The following NRXN2 variants were observed in gnomAD, a reference collection of about 807,000 sequenced individuals.
NRXN2 encodes the protein neurexin 2, also known as neurexin-2-beta.
Under a neutral mutation model 128.8 loss-of-function variants are expected in NRXN2, and 29 were observed. The ratio of observed to expected loss-of-function variants is 0.23; its 90% CI spans 0.17 to 0.31. NRXN2 has a LOEUF of 0.31. Among genes scored for constraint, NRXN2 ranks in the 10% least tolerant of loss-of-function variants. The probability of loss-of-function intolerance (pLI) is 1.00; values close to 1 mark genes in which losing one functional copy is unlikely to be tolerated. For missense variants in NRXN2, 1,881 were observed against 2,452.6 expected (o/e 0.77, Z 4.92); for synonymous variants, 1,098 against 1,075.2 (o/e 1.02, Z -0.41).
chr11:64,625,243 G>T (rs1329920921), intron 20 of NRXN2, among the ~76,000 whole-genome samples: 2 of 152,186 alleles, frequency 1.3e-5, no homozygotes, highest in African/African-American at 4.8e-5. Context: ...CTCAGCCCAG[G>T]CTGCTCCCTT....
chr11:64,650,407 C>T, intron 15 of NRXN2, 41 bp downstream of exon 15: 1 of 1,610,048 alleles, frequency 6.2e-7, no homozygotes, highest in Non-Finnish European at 8.5e-7. Flanking sequence ...TGAGGGGTAT[C>T]TGGGCTAGGG....
chr11:64,634,052 T>A (rs140035736), intron 18 of NRXN2, among the ~76,000 whole-genome samples: 123 of 152,226 alleles, frequency 8.1e-4, no homozygotes, highest in Non-Finnish European at 1.6e-3. Flanking sequence ...TGAAGGCCAG[T>A]GGCTGCGTTC....
intron 1 of NRXN2, among the ~76,000 whole-genome samples, chr11:64,715,626 G>A (rs1414006937): frequency 1.3e-5 from 2 of 152,110 alleles, no homozygotes; most frequent in South Asian, 2.1e-4. Flanking sequence ...ATCTCCAAGA[G>A]GCCGGTAAAG....
intron 2 of NRXN2, among the ~76,000 whole-genome samples, chr11:64,700,160 C>T (rs1431128533): frequency 6.6e-6 from 1 of 152,188 alleles, no homozygotes; most frequent in Non-Finnish European, 1.5e-5. Context: ...TACTTCTCCT[C>T]GCTCTCCTCA....
chr11:64,701,973 C>T (rs1340809235), intron 2 of NRXN2, among the ~76,000 whole-genome samples: 3 of 138,552 alleles, frequency 2.2e-5, no homozygotes, highest in Non-Finnish European at 3.1e-5. Flanking sequence ...GCCCCCCGCC[C>T]GGCCAGCTGC....
At chr11:64,695,366 C>T (rs2054360394) in intron 3 of NRXN2, among the ~76,000 whole-genome samples, 3 of 152,074 alleles carry the variant, frequency 2.0e-5, no homozygotes, top group Non-Finnish European at 4.4e-5. Flanking sequence ...AGGAGGTGTT[C>T]GGCAGGGGTG....
chr11:64,712,952 C>T lies in NRXN2; in HGVS notation c.730+18G>A. 6.7e-7 allele frequency: 1 copy of T among 1,501,832 alleles called. No individual in the cohort carries two copies. Among genetic ancestry groups the T allele is most frequent in the Non-Finnish European group, 8.8e-7 (1 of 1,129,990 alleles). 93.0% of individuals were successfully genotyped at this position (1,501,832 alleles called of 1,614,324 possible). On this transcript the variant is annotated intron_variant, in intron 2 of 22. Coordinates refer to ENST00000265459, the MANE Select transcript of NRXN2 (RefSeq NM_015080.4). ...ACCCCCGCGCCCAGGCACCGGGCGG[C>T]CGCTCCCCGGGGCTCACCTTCGCTG...
intron 11 of NRXN2, among the ~76,000 whole-genome samples, chr11:64,659,901 T>C (rs760242935): frequency 1.3e-5 from 2 of 152,204 alleles, no homozygotes; most frequent in Non-Finnish European, 2.9e-5. Flanking sequence ...TCCTCATCTC[T>C]GTATCTGCCA....
At chr11:64,643,100 A>ACCCGGGGGAGCG (rs1237266523) in intron 17 of NRXN2, 2 of 978,414 alleles carry the variant, frequency 2.0e-6, no homozygotes, top group Non-Finnish European at 2.4e-6. Flanking sequence ...GCCGTCAGAA[A>ACCCGGGGGAGCG]CCCGGGGGAG....
At chr11:64,666,203 A>T (rs866319760) in intron 9 of NRXN2, among the ~76,000 whole-genome samples, 1 of 136,014 alleles carries the variant, frequency 7.4e-6, no homozygotes, top group Middle Eastern at 3.7e-3. Context: ...TGAGTGAGTT[A>T]ATTTTTTTTT....
At chr11:64,709,145 T>A (rs1486234678) in intron 2 of NRXN2, among the ~76,000 whole-genome samples, 1 of 142,334 alleles carries the variant, frequency 7.0e-6, no homozygotes, top group Non-Finnish European at 1.5e-5. Flanking sequence ...TGAGCTGAGA[T>A]CGTGCCATCG....
chr11:64,656,940 A>T (rs567450837), intron 11 of NRXN2, among the ~76,000 whole-genome samples: 3 of 152,116 alleles, frequency 2.0e-5, no homozygotes, highest in African/African-American at 7.2e-5. Flanking sequence ...CAAATATCCC[A>T]TCTCTTGAGG....
In NRXN2 at chr11:64,703,025, G is replaced by A. The variant is rs1024740487; in HGVS notation, c.731-5233C>T. On this transcript the variant is annotated intron_variant, in intron 2 of 22. Transcript: ENST00000265459. The stretch of plus-strand genomic sequence containing the variant: ...AAAGAATTAAAAAAAAAAGATCCAG[G>A]TCAATACACATTTGTCTCTGTTCTA... 1.3e-5 allele frequency among the ~76,000 whole-genome samples: 2 copies of A among 148,738 alleles called. 1 individual carries two copies. The highest frequency in any genetic ancestry group is 4.3e-4 in the South Asian group (2 of 4,642).
chr11:64,720,091 T>G (rs1378393525), intron 1 of NRXN2, among the ~76,000 whole-genome samples: 1 of 152,190 alleles, frequency 6.6e-6, no homozygotes, highest in African/African-American at 2.4e-5. Context: ...GGGATGAGGA[T>G]CCCATTTCAC....
chr11:64,641,791 G>T (rs1591709826), intron 17 of NRXN2, among the ~76,000 whole-genome samples: 1 of 152,066 alleles, frequency 6.6e-6, no homozygotes, highest in African/African-American at 2.4e-5. Flanking sequence ...CTGGAAACGG[G>T]AAGTGCTGGA....
chr11:64,606,454 C>T lies in NRXN2; in HGVS notation c.*742G>A, dbSNP rs1239881159. On this transcript the variant is annotated 3_prime_UTR_variant, in exon 23 of 23. Coordinates refer to ENST00000265459, the MANE Select transcript of NRXN2 (RefSeq NM_015080.4). Reference sequence around the variant, plus strand: ...CCTTTCCCCTCCCTCCCACCCCCCACCCCTGCTCCTCCAGCAGCTTCCCCA... The same window carrying T: ...CCTTTCCCCTCCCTCCCACCCCCCATCCCTGCTCCTCCAGCAGCTTCCCCA... 2 of 129,492 alleles carry T rather than the reference C, an allele frequency of 1.5e-5. No individual in the cohort carries two copies. The highest frequency in any genetic ancestry group is 3.2e-5 in the Non-Finnish European group (2 of 61,730). 8.0% of individuals were successfully genotyped at this position (129,492 alleles called of 1,614,324 possible).
At chr11:64,612,998 C>T (rs2040908994) in intron 22 of NRXN2, among the ~76,000 whole-genome samples, 1 of 152,256 alleles carries the variant, frequency 6.6e-6, no homozygotes, top group Admixed American at 6.5e-5. Context: ...TCAGCCCCTA[C>T]TCACCTGTGC....
rs761000700 is a variant in NRXN2 at position 64,607,539 on chromosome 11, C to T, written c.4796G>A (p.Gly1599Asp). The change falls in exon 23 of 23, where the codon GGC (glycine) becomes GAC (aspartate). Residue 1599 changes from glycine (G) to aspartate (D), a missense_variant. By Grantham distance (94) the Gly-to-Asp change is moderately conservative. Around this residue, in one of 7 missense-constraint regions of NRXN2, gnomAD observed 310 missense variants for 318.2 expected, o/e 0.97. Coordinates refer to ENST00000265459, the MANE Select transcript of NRXN2 (RefSeq NM_015080.4). ...EPRRPPPLRP[G>D]VTSAPGFPHL... Reference sequence around the variant, plus strand: ...GGGGAAGCCGGGGGCTGAGGTCACGCCGGGGCGCAGGGGAGGGGGCCTCCG... The same window carrying T: ...GGGGAAGCCGGGGGCTGAGGTCACGTCGGGGCGCAGGGGAGGGGGCCTCCG... 2 of 1,563,448 alleles carry T rather than the reference C, an allele frequency of 1.3e-6. No individual in the cohort carries two copies. The highest frequency in any genetic ancestry group is 3.7e-5 in the Admixed American group (2 of 54,522).
intron 9 of NRXN2, among the ~76,000 whole-genome samples, chr11:64,665,367 C>A (rs768723488): frequency 5.3e-5 from 8 of 152,092 alleles, no homozygotes; most frequent in Non-Finnish European, 1.2e-4. Flanking sequence ...CACACCTGGT[C>A]CAGACTCTGG....
Sources: allele counts gnomAD v4.1 joint callset (sites outside exome capture counted in the v4.1 genomes callset), GRCh38; gene constraint gnomAD v4.1.1; regional missense constraint gnomAD v4.1.1; transcripts MANE v1.5; gene names NCBI Gene and HGNC (gene_info 2026-07-23, HGNC 2026-07-21).